ANTXRL: variants seen among roughly 807,000 people sequenced by gnomAD.
The protein encoded by ANTXRL is ANTXR like.
Under a neutral mutation model 75.4 loss-of-function variants are expected in ANTXRL, and 63 were observed. The observed-to-expected ratio is 0.84, with a 90% CI of 0.68 to 1.03. ANTXRL has a LOEUF of 1.03. ANTXRL is among the 50% of genes least tolerant of loss of function. ANTXRL has a pLI of 0.00. For synonymous variants in ANTXRL, 335 were observed against 291.3 expected (o/e 1.15, Z -1.53); for missense variants, 797 against 789.4 (o/e 1.01, Z -0.12).
intron 15 of ANTXRL, 34 bp downstream of exon 15, chr10:46,311,699 C>G (rs1386193537): frequency 1.3e-6 from 1 of 799,530 alleles, no homozygotes; most frequent in Non-Finnish European, 2.1e-6. Context: ...GGCTGTGACC[C>G]CAGCATGGGA....
rs199989797 is a variant in ANTXRL at position 46,313,286 on chromosome 10, G to T, written c.1380G>T (p.Val460=). 2,253 of 1,535,922 alleles carry T rather than the reference G, an allele frequency of 1.5e-3. 40 individuals carry two copies. In the South Asian group the frequency reaches 0.021, roughly 15 times the overall value. The change falls in exon 16 of 17, where the codon GTG becomes GTT. Residue 460 remains valine, a synonymous_variant. Transcript: ENST00000620264. The stretch of plus-strand genomic sequence containing the variant: ...TCTCTCACGCAAGCTGCCACCAGGT[G>T]CCATGGATGTGTTGTCAGAGCAGGG... The part of the protein sequence containing the change: ...CDLSHASCHQ[V]PWMCCQSRDQ...
chr10:46,292,013 G>T, intron 1 of ANTXRL, 45 bp from the exon 2 acceptor site: 1 of 1,516,036 alleles, frequency 6.6e-7, no homozygotes, highest in Non-Finnish European at 8.9e-7. Context: ...TTGCCCATCG[G>T]AGAGATGCAC....
At chr10:46,306,715 G>C in intron 10 of ANTXRL, 88 bp from the exon 11 acceptor site, 1 of 1,174,954 alleles carries the variant, frequency 8.5e-7, no homozygotes, top group Non-Finnish European at 1.2e-6. Flanking sequence ...TGGGCCACAG[G>C]GTCAGCCCTG....
chr10:46,289,476 C>A (rs782353835), intron 1 of ANTXRL, among the ~76,000 whole-genome samples: 9 of 152,158 alleles, frequency 5.9e-5, no homozygotes, highest in Non-Finnish European at 1.2e-4. Context: ...CTCCTGTAAT[C>A]CCAGCAATTT....
chr10:46,309,150 T>C lies in ANTXRL; in HGVS notation c.1082T>C (p.Leu361Pro). 3 of 1,535,766 alleles carry C rather than the reference T, an allele frequency of 2.0e-6. No individual in the cohort carries two copies. Among genetic ancestry groups the C allele is most frequent in the Non-Finnish European group, 2.6e-6 (3 of 1,146,664 alleles). The change falls in exon 13 of 17, where the codon CTG becomes CCG. Residue 361 changes from leucine to proline, a missense_variant. This residue lies in a region of ANTXRL where 479 missense variants were observed against 422.0 expected (regional missense o/e 1.14). Coordinates refer to ENST00000620264, the MANE Select transcript of ANTXRL (RefSeq NM_001278688.3). ...FRNWLYFVPL[L>P]LLVPLLLCCV... is the part of the protein sequence containing the mutation. The stretch of plus-strand genomic sequence containing the variant: ...AACTGGCTCTATTTTGTGCCACTCC[T>C]GCTGCTTGTGCCACTGCTGCTGTGT...
At position 46,309,938 on chromosome 10, in the gene ANTXRL, C is replaced by T. The variant is rs191320612; in HGVS notation, c.1135-523C>T. Among the ~76,000 whole-genome samples the T allele has an allele frequency of 6.9e-3, 1,045 of 152,138 alleles. 11 individuals carry two copies. Among genetic ancestry groups the T allele is most frequent in the Non-Finnish European group, 0.01 (682 of 67,986 alleles). ...AAGGGGTGCTGGGAGCTGGGGTGGA[C>T]GGACCCAGCTCAGAGAGCTGCAGAC... On this transcript the variant is annotated intron_variant, in intron 13 of 16. Transcript: ENST00000620264.
intron 9 of ANTXRL, among the ~76,000 whole-genome samples, chr10:46,302,373 G>C (rs1374025722): frequency 6.6e-6 from 1 of 152,144 alleles, no homozygotes; most frequent in Non-Finnish European, 1.5e-5. Context: ...CTGAGTGCAC[G>C]GCCTGCACAC....
At chr10:46,317,819 C>T (rs977423326) in intron 16 of ANTXRL, among the ~76,000 whole-genome samples, 3 of 152,186 alleles carry the variant, frequency 2.0e-5, no homozygotes, top group African/African-American at 7.2e-5. Context: ...GTTTGCCAAT[C>T]ACTTCAGGAA....
intron 14 of ANTXRL, among the ~76,000 whole-genome samples, chr10:46,310,771 A>G (rs1359481312): frequency 6.6e-6 from 1 of 152,050 alleles, no homozygotes; most frequent in Non-Finnish European, 1.5e-5. Flanking sequence ...TCCTGAATAA[A>G]TGGGGCTCTC....
At chr10:46,312,031 G>T (rs1252300595) in intron 15 of ANTXRL, among the ~76,000 whole-genome samples, 2 of 146,190 alleles carry the variant, frequency 1.4e-5, no homozygotes, top group Non-Finnish European at 3.1e-5. Flanking sequence ...GCCTGCAGGC[G>T]CATGAGTCAA....
chr10:46,290,328 C>T (rs1280388103), intron 1 of ANTXRL, among the ~76,000 whole-genome samples: 1 of 152,182 alleles, frequency 6.6e-6, no homozygotes, highest in Non-Finnish European at 1.5e-5. Flanking sequence ...AAGCGTGAGC[C>T]ACCTCGCCCG....
intron 13 of ANTXRL, among the ~76,000 whole-genome samples, chr10:46,309,785 C>T (rs1445307002): frequency 6.6e-6 from 1 of 152,170 alleles, no homozygotes; most frequent in Non-Finnish European, 1.5e-5. Context: ...CCATTCCCCA[C>T]AGGCAGCTCA....
chr10:46,288,636 C>A (rs13343122), intron 1 of ANTXRL, among the ~76,000 whole-genome samples: 10,443 of 152,084 alleles, frequency 0.069, 925 homozygotes, highest in African/African-American at 0.2. Context: ...TCATTCTGTG[C>A]CTTCGTGTCC....
In ANTXRL at chr10:46,287,414, A is replaced by G. The variant is rs1590312476; in HGVS notation, c.152A>G (p.His51Arg). ...CTGGCCCTGGGCTCCAGGAGAGCCC[A>G]CCACCACCATGGCCCAGGATGGAGG... ...HRLALGSRRA[H>R]HHHGPGWRQH... The change falls in exon 1 of 17, where the codon CAC (histidine) becomes CGC (arginine). Residue 51 changes from histidine (H) to arginine (R), a missense_variant. His to Arg is a conservative substitution (Grantham distance 29). This residue lies in a region of ANTXRL where 262 missense variants were observed against 271.9 expected (regional missense o/e 0.96). Transcript: ENST00000620264. The G allele has an allele frequency of 6.5e-7, 1 of 1,535,828 alleles. No homozygotes were observed. Among genetic ancestry groups the G allele is most frequent in the East Asian group, 2.4e-5 (1 of 40,878 alleles).
At position 46,292,109 on chromosome 10, in the gene ANTXRL, A is replaced by T. The variant is rs1392979565; in HGVS notation, c.300A>T (p.Glu100Asp). 2.6e-6 allele frequency: 4 copies of T among 1,536,178 alleles called. No individual in the cohort carries two copies. The highest frequency in any genetic ancestry group is 3.5e-6 in the Non-Finnish European group (4 of 1,146,826). ...NWIDLYMWVE[E>D]TVARFQSPNI... ...TTGACCTTTATATGTGGGTGGAGGA[A>T]ACAGTGGCGAGGTTCCAAAGGTACA... The change falls in exon 2 of 17, where the codon GAA becomes GAT. Residue 100 changes from glutamate to aspartate, a missense_variant. Physicochemically the swap from Glu to Asp is conservative, Grantham distance 45. Around this residue, in one of 3 missense-constraint regions of ANTXRL, gnomAD observed 262 missense variants for 271.9 expected, o/e 0.96. Coordinates refer to ENST00000620264, the MANE Select transcript of ANTXRL (RefSeq NM_001278688.3).
In ANTXRL at chr10:46,297,902, C is replaced by A; in HGVS notation, c.726C>A (p.Thr242=). ...VENGFKALRS[T]IDALTSKVCL... ...ATGGCTTCAAGGCCCTGAGAAGCACCATTGATGCCGTGAGTGGGCAGAGGT... is the reference window on the plus strand; with the variant it reads ...ATGGCTTCAAGGCCCTGAGAAGCACAATTGATGCCGTGAGTGGGCAGAGGT... The change falls in exon 8 of 17, where the codon ACC becomes ACA. Residue 242 remains threonine, a synonymous_variant. Transcript: ENST00000620264. 6.5e-7 allele frequency: 1 copy of A among 1,535,866 alleles called. No homozygotes were observed. The highest frequency in any genetic ancestry group is 1.2e-5 in the South Asian group (1 of 84,048).
intron 12 of ANTXRL, 27 bp from the exon 13 acceptor site, chr10:46,309,086 T>A: frequency 1.3e-6 from 2 of 1,535,504 alleles, no homozygotes; most frequent in Non-Finnish European, 1.7e-6. Flanking sequence ...ACCGAGGCCC[T>A]CCTATGGTGC....
At chr10:46,294,775 G>A (rs34711697) in intron 3 of ANTXRL, among the ~76,000 whole-genome samples, 56,933 of 148,634 alleles carry the variant, frequency 0.38, 9,433 homozygotes, top group Non-Finnish European at 0.45. Context: ...CCAGAGGAAG[G>A]CCAGGGCATG....
chr10:46,318,432 G>T (rs1262679679), intron 16 of ANTXRL, among the ~76,000 whole-genome samples: 1 of 151,906 alleles, frequency 6.6e-6, no homozygotes, highest in African/African-American at 2.4e-5. Flanking sequence ...AGGAATTCAT[G>T]AGCTTGCTAT....
Sources: allele counts gnomAD v4.1 joint callset (sites outside exome capture counted in the v4.1 genomes callset), GRCh38; gene constraint gnomAD v4.1.1; regional missense constraint gnomAD v4.1.1; transcripts MANE v1.5; gene names NCBI Gene and HGNC (gene_info 2026-07-23, HGNC 2026-07-21).